ERF: variants seen among roughly 807,000 people sequenced by gnomAD.
ERF encodes ETS2 repressor factor.
In ERF, 10 loss-of-function variants were observed where a neutral mutation model predicts 41.6. The ratio of observed to expected loss-of-function variants is 0.24; its 90% CI spans 0.15 to 0.41. The LOEUF is 0.41. Among genes scored for constraint, ERF ranks in the 10% least tolerant of loss-of-function variants. The pLI is 1.00. For synonymous variants in ERF, 395 were observed against 342.4 expected, an observed-to-expected ratio of 1.15 and a Z score of -1.70; for missense variants, 621 against 763.2, an observed-to-expected ratio of 0.81 and a Z score of 2.19.
At position 42,247,705 on chromosome 19, in the gene ERF, G is replaced by A. The variant is rs1193807539; in HGVS notation, c.*760C>T. 4 of 151,194 alleles carry A rather than the reference G, an allele frequency of 2.6e-5. No homozygotes were observed. The highest frequency in any genetic ancestry group is 6.6e-5 in the Admixed American group (1 of 15,142). The allele number at this position is 151,194 out of a possible 1,614,324, so 9.4% of individuals were successfully genotyped here. On this transcript the variant is annotated 3_prime_UTR_variant, in exon 4 of 4. Transcript: ENST00000222329. ...CCCCAGAGGCCCCAGCTGGGAGGCAGAGGGGGCTTCCAGTTTGGTTTCAGG... is the reference window on the plus strand; with the variant it reads ...CCCCAGAGGCCCCAGCTGGGAGGCAAAGGGGGCTTCCAGTTTGGTTTCAGG...
chr19:42,255,000 GC>G lies in ERF; in HGVS notation c.-2del, dbSNP rs1454160780. 6.9e-7 allele frequency: 1 copy of G among 1,452,500 alleles called. No homozygotes were observed. Among genetic ancestry groups the G allele is most frequent in the African/African-American group, 1.5e-5 (1 of 67,146 alleles). 90.0% of individuals were successfully genotyped at this position (1,452,500 alleles called of 1,614,324 possible). On this transcript the variant is annotated 5_prime_UTR_variant, in exon 1 of 4. Coordinates refer to ENST00000222329, the MANE Select transcript of ERF (RefSeq NM_006494.4). ...CACCTGTGTCCGCCGGGGTCTTCAT[GC>G]TGGGGGGCCCGGGGCGAAGCGCCCC...
intron 1 of ERF, among the ~76,000 whole-genome samples, chr19:42,254,236 G>A (rs1300667601): frequency 6.6e-6 from 1 of 151,646 alleles, no homozygotes; most frequent in South Asian, 2.1e-4. Context: ...GGGCGAGGGG[G>A]GAGCCTCTGC....
At position 42,248,871 on chromosome 19, in the gene ERF, C is replaced by T. The variant is rs1343709997; in HGVS notation, c.1241G>A (p.Gly414Glu). ...GSAGGLAEGA[G>E]ALAPPPPPPQ... Reference sequence around the variant, plus strand: ...TGGCGGGGGCGGTGGGGCTAGCGCCCCTGCCCCCTCAGCCAGCCCGCCTGC... The same window carrying T: ...TGGCGGGGGCGGTGGGGCTAGCGCCTCTGCCCCCTCAGCCAGCCCGCCTGC... Residue 414 changes from glycine (G) to glutamate (E), a missense_variant, in exon 4 of 4, where the codon GGG becomes GAG. By Grantham distance (98) the Gly-to-Glu change is moderately conservative (BLOSUM62 -2). Coordinates refer to ENST00000222329, the MANE Select transcript of ERF (RefSeq NM_006494.4). This position sits in a 1 kb window ranked among gnomAD's most constrained non-coding sequence, Gnocchi z 4.2. The T allele has an allele frequency of 6.2e-7, 1 of 1,608,338 alleles. No homozygotes were observed. Among genetic ancestry groups the T allele is most frequent in the Non-Finnish European group, 8.5e-7 (1 of 1,178,662 alleles).
Position 42,249,705 on chromosome 19 carries a change from G to C in ERF, c.407C>G (p.Pro136Arg). The C allele has an allele frequency of 6.3e-7, 1 of 1,599,626 alleles. No homozygotes were observed. The highest frequency in any genetic ancestry group is 8.5e-7 in the Non-Finnish European group (1 of 1,171,036). The change falls in exon 4 of 4, where the codon CCG becomes CGG. Residue 136 changes from proline to arginine, a missense_variant. Around this residue, in one of 3 missense-constraint regions of ERF, gnomAD observed 569 missense variants for 625.5 expected, o/e 0.91. Coordinates refer to ENST00000222329, the MANE Select transcript of ERF (RefSeq NM_006494.4). This position sits in a 1 kb window ranked among gnomAD's most constrained non-coding sequence, Gnocchi z 8.6. The part of the protein sequence containing the change: ...GAVPQSAPPV[P>R]SGGSHFRFPP... Reference sequence around the variant, plus strand: ...GAAGCGGAAGTGGCTACCACCCGACGGCACTGGCGGGGCACTCTGGGGCAC... The same window carrying C: ...GAAGCGGAAGTGGCTACCACCCGACCGCACTGGCGGGGCACTCTGGGGCAC...
chr19:42,251,427 AGGGGGTGGGCAGCCTGGGGTGGGGGGTG>A, intron 1 of ERF: 2 of 403,266 alleles, frequency 5.0e-6, no homozygotes, highest in Non-Finnish European at 5.5e-6. Context: ...TGGTCTCTGG[AGGGGGTGGGCAGCCTGGGGTGGGGGGTG>A]GGGGGTGGGG....
intron 1 of ERF, chr19:42,254,728 C>T: frequency 2.7e-6 from 1 of 368,782 alleles, no homozygotes; most frequent in Non-Finnish European, 4.9e-6. Context: ...GCCCGGCCTG[C>T]GGGGTCCCGG....
intron 1 of ERF, among the ~76,000 whole-genome samples, chr19:42,253,308 G>C (rs2036475420): frequency 1.3e-5 from 2 of 152,176 alleles, no homozygotes; most frequent in Non-Finnish European, 1.5e-5. Flanking sequence ...CCACGGCAGA[G>C]AGAGGGACCG....
intron 1 of ERF, among the ~76,000 whole-genome samples, chr19:42,253,284 G>C (rs977669556): frequency 2.0e-5 from 3 of 152,200 alleles, no homozygotes; most frequent in Non-Finnish European, 4.4e-5. Flanking sequence ...AAGAAAACAG[G>C]AAGTGGGAAA....
Position 42,248,345 on chromosome 19 carries a change from G to A in ERF, c.*120C>T. The A allele has an allele frequency of 1.1e-6, 1 of 910,014 alleles. No homozygotes were observed. Among genetic ancestry groups the A allele is most frequent in the Non-Finnish European group, 1.5e-6 (1 of 670,812 alleles). The allele number at this position is 910,014 out of a possible 1,614,324, so 56.4% of individuals were successfully genotyped here. A position where few individuals can be genotyped will look rare whatever the true frequency, so the allele number is the denominator to read the frequency against. On this transcript the variant is annotated 3_prime_UTR_variant, in exon 4 of 4. Coordinates refer to ENST00000222329, the MANE Select transcript of ERF (RefSeq NM_006494.4). The surrounding 1 kb of genome is among the most constrained non-coding windows in gnomAD (Gnocchi z 4.2). ...AAGTTTTATACAAAATGTGGGGAGG[G>A]AAAAGGGAGGAGGCAGGGAAGAGAC...
chr19:42,253,772 ATGGGGATGGGAATGGGGTGGGAATGGGG>A, intron 1 of ERF: 1 of 605,288 alleles, frequency 1.7e-6, no homozygotes, highest in South Asian at 6.7e-5. Flanking sequence ...GAGCAGGGGG[ATGGGGATGGGAATGGGGTGGGAATGGGG>A]TGGGGATGGG....
At position 42,249,296 on chromosome 19, in the gene ERF, G is replaced by A. The variant is rs1279095444; in HGVS notation, c.816C>T (p.Pro272=). 1.3e-6 allele frequency: 2 copies of A among 1,599,978 alleles called. No individual in the cohort carries two copies. Among genetic ancestry groups the A allele is most frequent in the Non-Finnish European group, 1.7e-6 (2 of 1,173,416 alleles). ...PQLSPALPMT[P]THLAYTPSPT... ...GCGAGGGAGTGTAGGCCAGGTGGGT[G>A]GGCGTCATGGGCAGAGCCGGGGAGA... is the stretch of plus-strand genomic sequence containing the variant. The change falls in exon 4 of 4, where the codon CCC becomes CCT. Residue 272 remains proline, a synonymous_variant. Transcript: ENST00000222329. This position sits in a 1 kb window ranked among gnomAD's most constrained non-coding sequence, Gnocchi z 8.6.
intron 1 of ERF, chr19:42,253,982 G>C: frequency 1.0e-6 from 1 of 995,168 alleles, no homozygotes; most frequent in Non-Finnish European, 1.2e-6. Context: ...GACGGGCAGG[G>C]GGCGGCTGGG....
At chr19:42,254,083 G>T (rs1423052410) in intron 1 of ERF, among the ~76,000 whole-genome samples, 1 of 151,400 alleles carries the variant, frequency 6.6e-6, no homozygotes, top group Non-Finnish European at 1.5e-5. Flanking sequence ...CGAGTGGGAG[G>T]GGGAGTTAAT....
intron 1 of ERF, chr19:42,253,812 T>A: frequency 1.2e-6 from 1 of 830,080 alleles, no homozygotes; most frequent in Non-Finnish European, 1.4e-6. Context: ...GGGGATGGGG[T>A]GGGGTGGGTG....
intron 1 of ERF, among the ~76,000 whole-genome samples, chr19:42,251,066 G>A (rs890553827): frequency 2.0e-5 from 3 of 151,874 alleles, no homozygotes; most frequent in African/African-American, 7.2e-5. Flanking sequence ...AGACCTGAGA[G>A]GAAGATTTTT....
Position 42,249,757 on chromosome 19 carries a change from T to C in ERF, c.374-19A>G, listed in dbSNP as rs372380443. The C allele has an allele frequency of 2.5e-6, 4 of 1,611,030 alleles. No individual in the cohort carries two copies. Among genetic ancestry groups the C allele is most frequent in the Admixed American group, 1.7e-5 (1 of 59,918 alleles). ...GCACCCCCTGGCAGAAGGGAGACAG[T>C]GTCAAGGCCCCTGGCCTAGCCTGAA... On this transcript the variant is annotated intron_variant, in intron 3 of 3. Coordinates refer to ENST00000222329, the MANE Select transcript of ERF (RefSeq NM_006494.4). The surrounding 1 kb of genome is among the most constrained non-coding windows in gnomAD (Gnocchi z 8.6).
Position 42,248,892 on chromosome 19 carries a change from C to T in ERF, c.1220G>A (p.Gly407Asp), listed in dbSNP as rs1390865410. 5 of 1,607,976 alleles carry T rather than the reference C, an allele frequency of 3.1e-6. No homozygotes were observed. The highest frequency in any genetic ancestry group is 4.2e-6 in the Non-Finnish European group (5 of 1,179,172). ...AGADKSGGSA[G>D]GLAEGAGALA... is the part of the protein sequence containing the mutation. ...CGCCCCTGCCCCCTCAGCCAGCCCG[C>T]CTGCACTGCCACCGCTCTTGTCAGC... is the stretch of plus-strand genomic sequence containing the variant. Residue 407 changes from glycine (G) to aspartate (D), a missense_variant, in exon 4 of 4, where the codon GGC becomes GAC. Around this residue, in one of 3 missense-constraint regions of ERF, gnomAD observed 569 missense variants for 625.5 expected, o/e 0.91. Transcript: ENST00000222329. The surrounding 1 kb of genome is among the most constrained non-coding windows in gnomAD (Gnocchi z 4.2).
intron 1 of ERF, chr19:42,253,886 C>G: frequency 2.8e-6 from 3 of 1,082,740 alleles, no homozygotes; most frequent in South Asian, 2.3e-5. Flanking sequence ...CCGCCGCCGC[C>G]GGGGGAAGGA....
At chr19:42,253,222 G>A (rs1244233862) in intron 1 of ERF, among the ~76,000 whole-genome samples, 1 of 152,176 alleles carries the variant, frequency 6.6e-6, no homozygotes, top group Admixed American at 6.5e-5. Context: ...CCTCCTGGGG[G>A]GCCCCACCAC....
Sources: allele counts gnomAD v4.1 joint callset (sites outside exome capture counted in the v4.1 genomes callset), GRCh38; gene constraint gnomAD v4.1.1; regional missense constraint gnomAD v4.1.1; non-coding constraint Gnocchi (gnomAD v3.1); transcripts MANE v1.5; gene names NCBI Gene and HGNC (gene_info 2026-07-23, HGNC 2026-07-21).